Variants in TUBGCP3 observed in about 807,000 individuals in gnomAD.
The protein encoded by TUBGCP3 is tubulin gamma complex component 3.
TUBGCP3 carries 50 observed loss-of-function variants against 123.1 expected under a neutral mutation model. The ratio of observed to expected loss-of-function variants is 0.41; its 90% CI spans 0.32 to 0.51. The LOEUF is 0.51. Ranked by LOEUF, TUBGCP3 falls within the 20% of genes least tolerant of loss-of-function variation. The pLI is 0.36. For missense variants in TUBGCP3, 882 were observed against 1,127.0 expected, an observed-to-expected ratio of 0.78 and a Z score of 3.11; for synonymous variants, 405 against 413.9, an observed-to-expected ratio of 0.98 and a Z score of 0.26.
intron 20 of TUBGCP3, chr13:112,498,801 T>G: frequency 6.4e-7 from 1 of 1,553,506 alleles, no homozygotes; most frequent in Non-Finnish European, 8.7e-7. Context: ...GGCAGGAGAT[T>G]TGTAATTCTC....
intron 11 of TUBGCP3, among the ~76,000 whole-genome samples, chr13:112,544,225 G>A (rs1317820229): frequency 4.6e-5 from 7 of 151,932 alleles, no homozygotes; most frequent in East Asian, 1.9e-4. Context: ...AGGCCAAGGC[G>A]GGCAGATCAC....
chr13:112,504,479 C>T, intron 18 of TUBGCP3, 147 bp downstream of exon 18: 1 of 489,458 alleles, frequency 2.0e-6, no homozygotes, highest in Non-Finnish European at 3.1e-6. Context: ...CAGCAAGACT[C>T]CATCTCAAAA....
At chr13:112,540,666 T>C (rs961934362) in intron 11 of TUBGCP3, among the ~76,000 whole-genome samples, 1 of 151,440 alleles carries the variant, frequency 6.6e-6, no homozygotes, top group African/African-American at 2.4e-5. Flanking sequence ...CTATGAGCAT[T>C]CAGATGGTCT....
chr13:112,519,817 G>T lies in TUBGCP3; in HGVS notation c.1881+69C>A. On this transcript the variant is annotated intron_variant, in intron 15 of 21. Coordinates refer to ENST00000261965, the MANE Select transcript of TUBGCP3 (RefSeq NM_006322.6). The surrounding 1 kb of genome is among the most constrained non-coding windows in gnomAD (Gnocchi z 6.2). ...GCCTGAAACAACATGGAAAACACTCGCTAGAACACCCCGGCCCAGTGGGTC... is the reference window on the plus strand; with the variant it reads ...GCCTGAAACAACATGGAAAACACTCTCTAGAACACCCCGGCCCAGTGGGTC... 6.5e-7 allele frequency: 1 copy of T among 1,544,552 alleles called. No homozygotes were observed. The highest frequency in any genetic ancestry group is 8.7e-7 in the Non-Finnish European group (1 of 1,145,560).
chr13:112,604,873 A>C, the TUBGCP3 span: 1 of 152,206 alleles, frequency 6.6e-6, no homozygotes, highest in Non-Finnish European at 1.5e-5. Flanking sequence ...ACCCTTGGCT[A>C]TTGAGGGCCT....
chr13:112,507,562 T>G (rs959806963), intron 17 of TUBGCP3, among the ~76,000 whole-genome samples: 5 of 152,194 alleles, frequency 3.3e-5, no homozygotes, highest in African/African-American at 9.7e-5. Context: ...TTTGTGGCTA[T>G]TCTCCATTTT....
the TUBGCP3 span, among the ~76,000 whole-genome samples, chr13:112,599,913 C>T: frequency 2.0e-5 from 3 of 152,300 alleles, no homozygotes; most frequent in Non-Finnish European, 2.9e-5. Context: ...GACTGTCACA[C>T]GCCTCTCCCC....
chr13:112,556,346 G>A, intron 5 of TUBGCP3, 122 bp from the exon 6 acceptor site: 1 of 954,778 alleles, frequency 1.0e-6, no homozygotes, highest in South Asian at 1.7e-5. Flanking sequence ...TGGTATAGCT[G>A]ATACCATGAC....
intron 3 of TUBGCP3, among the ~76,000 whole-genome samples, chr13:112,561,005 G>A (rs1390362526): frequency 6.6e-6 from 1 of 152,364 alleles, no homozygotes; most frequent in East Asian, 1.9e-4. Context: ...CAAAGGCCAG[G>A]AGTCAGGAGG....
At chr13:112,542,291 G>T (rs1410735887) in intron 11 of TUBGCP3, among the ~76,000 whole-genome samples, 2 of 152,130 alleles carry the variant, frequency 1.3e-5, no homozygotes, top group Non-Finnish European at 2.9e-5. Context: ...GATTTAATAT[G>T]CATTCTAAAT....
chr13:112,551,636 C>T (rs185004302), intron 8 of TUBGCP3, among the ~76,000 whole-genome samples: 80 of 152,292 alleles, frequency 5.3e-4, no homozygotes, highest in African/African-American at 1.8e-3. Flanking sequence ...TCCATACCTG[C>T]CATCTACTAG....
intron 11 of TUBGCP3, among the ~76,000 whole-genome samples, chr13:112,534,569 G>GA (rs373776668): frequency 1.1e-3 from 174 of 152,034 alleles, no homozygotes; most frequent in African/African-American, 3.9e-3. Flanking sequence ...AAACAAAACA[G>GA]AAAAAACTCC....
intron 5 of TUBGCP3, among the ~76,000 whole-genome samples, chr13:112,557,240 C>A (rs1880119359): frequency 6.6e-6 from 1 of 152,146 alleles, no homozygotes; most frequent in Admixed American, 6.5e-5. Context: ...TCAATTGATT[C>A]TTTTAGCTGG....
At chr13:112,559,907 G>A (rs1880356624) in intron 3 of TUBGCP3, among the ~76,000 whole-genome samples, 1 of 152,170 alleles carries the variant, frequency 6.6e-6, no homozygotes, top group South Asian at 2.1e-4. Flanking sequence ...GGCCAAAGCA[G>A]GTGGACCACT....
At chr13:112,559,714 T>C (rs2274303) in intron 3 of TUBGCP3, among the ~76,000 whole-genome samples, 23,916 of 152,146 alleles carry the variant, frequency 0.16, 2,114 homozygotes, top group East Asian at 0.21. Context: ...ATTCTTATAA[T>C]GTCCCCAAAA....
intron 1 of TUBGCP3, among the ~76,000 whole-genome samples, chr13:112,582,493 G>T (rs1326164461): frequency 1.3e-5 from 2 of 152,158 alleles, no homozygotes; most frequent in African/African-American, 4.8e-5. Context: ...CGTTAGCCTG[G>T]CAGCCAAGGC....
intron 13 of TUBGCP3, among the ~76,000 whole-genome samples, chr13:112,526,319 C>T (rs1044060533): frequency 1.4e-5 from 2 of 139,330 alleles, no homozygotes; most frequent in African/African-American, 5.3e-5. Flanking sequence ...CACCACCATG[C>T]CATCATCATC....
At chr13:112,516,708 G>GT in intron 16 of TUBGCP3, 133 bp from the exon 17 acceptor site, 2 of 1,080,570 alleles carry the variant, frequency 1.9e-6, no homozygotes, top group East Asian at 5.3e-5. Flanking sequence ...TAAAGTCACA[G>GT]TAACAGAAGG....
In TUBGCP3 at chr13:112,485,973, C is replaced by A. The variant is rs188163820; in HGVS notation, c.*20G>T. The A allele has an allele frequency of 1.8e-5, 28 of 1,547,160 alleles. No individual in the cohort carries two copies. The highest frequency in any genetic ancestry group is 4.1e-5 in the African/African-American group (3 of 73,160). ...AGTGCAACGAACATCACCCGCAGCT[C>A]CCTGGGAGGACCGCGAGCTTCACGT... On this transcript the variant is annotated 3_prime_UTR_variant, in exon 22 of 22. Transcript: ENST00000261965.
Sources: allele counts gnomAD v4.1 joint callset (sites outside exome capture counted in the v4.1 genomes callset), GRCh38; gene constraint gnomAD v4.1.1; non-coding constraint Gnocchi (gnomAD v3.1); transcripts MANE v1.5; gene names NCBI Gene and HGNC (gene_info 2026-07-23, HGNC 2026-07-21).